Variants in STXBP5L observed in about 807,000 individuals in gnomAD.
STXBP5L encodes the protein syntaxin-binding protein 5-like.
Under a neutral mutation model 144.5 loss-of-function variants are expected in STXBP5L, and 65 were observed. The observed-to-expected ratio is 0.45, with a 90% CI of 0.37 to 0.55. The LOEUF (loss-of-function observed/expected upper bound fraction) is 0.55, where lower values mean the gene tolerates loss of function less well. Ranked by LOEUF, STXBP5L falls within the 20% of genes least tolerant of loss-of-function variation. The pLI is 0.00. For missense variants in STXBP5L, 1,298 were observed against 1,405.5 expected (o/e 0.92, Z 1.22); for synonymous variants, 505 against 469.6 (o/e 1.08, Z -0.97).
At chr3:120,956,860 T>C (rs758343116) in intron 3 of STXBP5L, among the ~76,000 whole-genome samples, 1 of 152,002 alleles carries the variant, frequency 6.6e-6, no homozygotes, top group Non-Finnish European at 1.5e-5. Context: ...TTTTTTCTTT[T>C]GTTGCCTGTG....
intron 19 of STXBP5L, among the ~76,000 whole-genome samples, chr3:121,308,928 C>G (rs11928988): frequency 0.12 from 18,280 of 151,990 alleles, 1,150 homozygotes; most frequent in Non-Finnish European, 0.14. Context: ...CAGTATACAT[C>G]TGAAGTAGAC....
At chr3:121,350,889 T>C (rs954697623) in intron 20 of STXBP5L, among the ~76,000 whole-genome samples, 2 of 152,120 alleles carry the variant, frequency 1.3e-5, no homozygotes, top group Non-Finnish European at 2.9e-5. Flanking sequence ...TTTAACTTCT[T>C]TGCCATGGGT....
At chr3:121,318,911 A>G (rs747334220) in intron 20 of STXBP5L, among the ~76,000 whole-genome samples, 2 of 152,202 alleles carry the variant, frequency 1.3e-5, no homozygotes, top group Non-Finnish European at 2.9e-5. Flanking sequence ...GTATATATGC[A>G]GAAGCAAATG....
intron 5 of STXBP5L, among the ~76,000 whole-genome samples, chr3:121,092,282 A>C (rs1231360583): frequency 6.6e-6 from 1 of 151,742 alleles, no homozygotes; most frequent in East Asian, 1.9e-4. Context: ...ATGAACTTTA[A>C]AGTAGTGTTT....
intron 18 of STXBP5L, among the ~76,000 whole-genome samples, chr3:121,263,438 C>T (rs1239583319): frequency 6.6e-6 from 1 of 152,084 alleles, no homozygotes; most frequent in African/African-American, 2.4e-5. Flanking sequence ...AATTCCTCAC[C>T]AGCAAGGGAA....
intron 20 of STXBP5L, among the ~76,000 whole-genome samples, chr3:121,366,226 C>T (rs1020737115): frequency 2.0e-5 from 3 of 151,858 alleles, no homozygotes; most frequent in East Asian, 1.9e-4. Flanking sequence ...GAAAAGAATG[C>T]GTATACTTTT....
At chr3:120,987,721 C>A (rs925353682) in intron 3 of STXBP5L, among the ~76,000 whole-genome samples, 1 of 151,600 alleles carries the variant, frequency 6.6e-6, no homozygotes, top group Admixed American at 6.6e-5. Context: ...ATAAAATTTA[C>A]ATTTCTACAT....
chr3:121,105,093 A>G (rs60705137), intron 5 of STXBP5L, among the ~76,000 whole-genome samples: 1 of 152,128 alleles, frequency 6.6e-6, no homozygotes, highest in South Asian at 2.1e-4. Context: ...ATGAATAGAC[A>G]GTTCTCAAAA....
intron 22 of STXBP5L, among the ~76,000 whole-genome samples, chr3:121,405,564 C>T (rs1414295035): frequency 6.6e-6 from 1 of 152,034 alleles, no homozygotes; most frequent in East Asian, 1.9e-4. Flanking sequence ...AAAGTACACT[C>T]CTAGCCAGTG....
chr3:120,996,736 ACTTAT>A (rs1375536223), intron 3 of STXBP5L, among the ~76,000 whole-genome samples: 3 of 152,066 alleles, frequency 2.0e-5, no homozygotes, highest in Admixed American at 6.6e-5. Context: ...GGAGTTTTTC[ACTTAT>A]CTTAATATCC....
At chr3:121,048,940 G>C (rs930098440) in intron 5 of STXBP5L, among the ~76,000 whole-genome samples, 1 of 152,058 alleles carries the variant, frequency 6.6e-6, no homozygotes, top group African/African-American at 2.4e-5. Flanking sequence ...GGTTTGTATC[G>C]GTCCCCAACC....
intron 6 of STXBP5L, among the ~76,000 whole-genome samples, chr3:121,121,363 GACA>G (rs1323135641): frequency 6.6e-6 from 1 of 151,262 alleles, no homozygotes; most frequent in African/African-American, 2.4e-5. Flanking sequence ...GCGCTTATCT[GACA>G]ACAAACGTTT....
At chr3:121,338,447 C>T (rs1421206266) in intron 20 of STXBP5L, among the ~76,000 whole-genome samples, 1 of 151,476 alleles carries the variant, frequency 6.6e-6, no homozygotes, top group African/African-American at 2.4e-5. Flanking sequence ...AGTTTGAGAC[C>T]AGCCTAGCCA....
chr3:121,368,182 C>T (rs1277225938), intron 20 of STXBP5L, among the ~76,000 whole-genome samples: 1 of 151,314 alleles, frequency 6.6e-6, no homozygotes, highest in Non-Finnish European at 1.5e-5. Context: ...TTTTTTCTTT[C>T]TGTTTTTCAG....
chr3:121,327,401 T>C (rs2044183497), intron 20 of STXBP5L, among the ~76,000 whole-genome samples: 2 of 152,194 alleles, frequency 1.3e-5, no homozygotes, highest in African/African-American at 2.4e-5. Flanking sequence ...ATAAATACTT[T>C]CACAAAGGTT....
In STXBP5L at chr3:120,914,984, T is replaced by C. The variant is rs1709035294; in HGVS notation, c.189+5217T>C. Among the ~76,000 whole-genome samples, 4 of 152,202 alleles carry C rather than the reference T, an allele frequency of 2.6e-5. No individual in the cohort carries two copies. The South Asian group carries it at 8.3e-4, about 32-fold the overall frequency. ...AGGGGCAGGCTTGAGTAAAGGATTATAGATGTGTAGAAGTACGTTTGTAAA... is the reference window on the plus strand; with the variant it reads ...AGGGGCAGGCTTGAGTAAAGGATTACAGATGTGTAGAAGTACGTTTGTAAA... On this transcript the variant is annotated intron_variant, in intron 2 of 26. Coordinates refer to ENST00000471454, the MANE Select transcript of STXBP5L (RefSeq NM_001308330.2).
intron 20 of STXBP5L, among the ~76,000 whole-genome samples, chr3:121,344,456 C>CA (rs909920035): frequency 8.6e-4 from 131 of 151,568 alleles, no homozygotes; most frequent in Non-Finnish European, 1.5e-3. Flanking sequence ...TAAGCCCTTA[C>CA]AAAAAAAATC....
chr3:120,958,383 A>C (rs1030110194), intron 3 of STXBP5L, among the ~76,000 whole-genome samples: 2 of 152,228 alleles, frequency 1.3e-5, no homozygotes, highest in Non-Finnish European at 2.9e-5. Context: ...ATAGAAAAAG[A>C]GGGAATCCTC....
At chr3:121,133,338 G>T (rs1006712295) in intron 7 of STXBP5L, among the ~76,000 whole-genome samples, 2 of 152,260 alleles carry the variant, frequency 1.3e-5, no homozygotes, top group South Asian at 2.1e-4. Flanking sequence ...GTTATTATCA[G>T]ACTGTCAGAA....
Sources: gnomAD v4.1 joint callset for allele counts (sites outside exome capture counted in the v4.1 genomes callset) on GRCh38, gnomAD v4.1.1 for gene constraint, MANE v1.5 for transcripts, NCBI Gene and HGNC (gene_info 2026-07-23, HGNC 2026-07-21) for gene names.